DPEP1: variants seen among roughly 807,000 people sequenced by gnomAD.
DPEP1 encodes dipeptidase 1.
A neutral mutation model predicts 42.3 loss-of-function variants in DPEP1; 50 were observed. The ratio of observed to expected loss-of-function variants is 1.18; its 90% CI spans 0.94 to 1.50. The LOEUF (loss-of-function observed/expected upper bound fraction) is 1.50. Among genes scored for constraint, DPEP1 ranks in the 40% most tolerant of loss-of-function variants. The pLI is 0.00. For missense variants in DPEP1, 663 were observed against 553.0 expected (o/e 1.20, Z -1.99); for synonymous variants, 297 against 234.0 (o/e 1.27, Z -2.46).
rs73265365 is a variant in DPEP1 at position 89,637,813 on chromosome 16, A to G, written c.930-23A>G. The G allele has an allele frequency of 3.0e-3, 4,811 of 1,612,602 alleles. 120 individuals carry two copies. The African/African-American group carries it at 0.056, about 19-fold the overall frequency. On this transcript the variant is annotated intron_variant, in intron 9 of 10. Coordinates refer to ENST00000690203, the MANE Select transcript of DPEP1 (RefSeq NM_001389466.1). ...GACCTGTGTCCTAGTGTGGGGGCCCAGGTTCTCCTGGCCTCAACACAGGGT... is the reference window on the plus strand; with the variant it reads ...GACCTGTGTCCTAGTGTGGGGGCCCGGGTTCTCCTGGCCTCAACACAGGGT...
chr16:89,621,334 C>T (rs1038700551), intron 1 of DPEP1, among the ~76,000 whole-genome samples: 21 of 151,908 alleles, frequency 1.4e-4, no homozygotes, highest in Middle Eastern at 3.4e-3. Flanking sequence ...TGTGGGGAAG[C>T]CACCAGCCTC....
downstream of DPEP1, among the ~76,000 whole-genome samples, chr16:89,638,710 CGCACCCCTGCACACACACACA>C (rs2059716063): frequency 8.7e-6 from 1 of 114,360 alleles, no homozygotes; most frequent in African/African-American, 3.1e-5. Context: ...ACACACACAC[CGCACCCCTGCACACACACACA>C]CCGCACCCCT....
chr16:89,616,865 A>G, intron 1 of DPEP1: 4 of 235,694 alleles, frequency 1.7e-5, no homozygotes, highest in South Asian at 1.4e-4. Flanking sequence ...AGCAGGCAGG[A>G]AGTGGGCAGG....
chr16:89,638,633 T>TCCAGCCATGCACCGGTGCACACACC (rs2059714647), downstream of DPEP1, among the ~76,000 whole-genome samples: 1 of 149,974 alleles, frequency 6.7e-6, no homozygotes, highest in Non-Finnish European at 1.5e-5. Flanking sequence ...AGTAGTCACC[T>TCCAGCCATGCACCGGTGCACACACC]CCAGCCATGC....
Position 89,629,451 on chromosome 16 carries a change from G to A in DPEP1, c.-106-854G>A, listed in dbSNP as rs190711231. On this transcript the variant is annotated intron_variant, in intron 1 of 10. Coordinates refer to ENST00000690203, the MANE Select transcript of DPEP1 (RefSeq NM_001389466.1). ...CAGGAGGTGCAGGTTGCAGTGAGCC[G>A]AGAGGGAGCCACTGTCCTCCAGCTG... Among the ~76,000 whole-genome samples, 292 of 152,182 alleles carry A rather than the reference G, an allele frequency of 1.9e-3. 1 individual carries two copies. Among genetic ancestry groups the A allele is most frequent in the African/African-American group, 6.8e-3 (282 of 41,518 alleles).
At chr16:89,631,942 T>C (rs1169060897) in intron 2 of DPEP1, among the ~76,000 whole-genome samples, 2 of 152,008 alleles carry the variant, frequency 1.3e-5, no homozygotes, top group African/African-American at 4.8e-5. Context: ...AAAATGGCCA[T>C]GCCAGCTTCA....
At chr16:89,628,256 C>CTTTT (rs1206308709) in intron 1 of DPEP1, among the ~76,000 whole-genome samples, 1 of 79,206 alleles carries the variant, frequency 1.3e-5, no homozygotes. Context: ...TCTTTTCTTT[C>CTTTT]TTTTTTTTTT....
chr16:89,636,208 G>C (rs911398476), intron 3 of DPEP1, 56 bp from the exon 4 acceptor site: 4 of 1,571,708 alleles, frequency 2.5e-6, no homozygotes, highest in Non-Finnish European at 3.4e-6. Context: ...ACAGGCATGC[G>C]GGGGGTGGGC....
chr16:89,633,283 C>T (rs2059613151), intron 2 of DPEP1, among the ~76,000 whole-genome samples: 1 of 152,254 alleles, frequency 6.6e-6, no homozygotes, highest in Non-Finnish European at 1.5e-5. Flanking sequence ...GTCATGTGGA[C>T]TCGCTGTGGC....
At chr16:89,638,444 CGT>C, downstream of DPEP1, 1 of 1,319,466 alleles carries the variant, frequency 7.6e-7, no homozygotes, top group African/African-American at 1.5e-5. Context: ...TCCTGGGGTA[CGT>C]GTCATCGGCA....
At chr16:89,638,903 A>G (rs1314207169), downstream of DPEP1, among the ~76,000 whole-genome samples, 1 of 49,884 alleles carries the variant, frequency 2.0e-5, no homozygotes, top group Non-Finnish European at 3.4e-5. Flanking sequence ...CCACCCCTGC[A>G]CACACACACA....
In DPEP1 at chr16:89,638,190, G is replaced by A. The variant is rs140890523; in HGVS notation, c.1204G>A (p.Ala402Thr). ...CTGGGGGCTCCTGCTGGCCTCCCTC[G>A]CTCCCCTGGTCCTCTGTCTGTCTCT... ...RHWGLLLASL[A>T]PLVLCLSLL Residue 402 changes from alanine to threonine, a missense_variant, in exon 11 of 11, where the codon GCT (alanine) becomes ACT (threonine). Transcript: ENST00000690203. 1,512 of 1,592,752 alleles carry A rather than the reference G, an allele frequency of 9.5e-4. 7 individuals carry two copies. The highest frequency in any genetic ancestry group is 1.1e-3 in the Non-Finnish European group (1,280 of 1,168,010).
intron 1 of DPEP1, among the ~76,000 whole-genome samples, chr16:89,616,659 G>GCGCA (rs2059381291): frequency 6.6e-6 from 1 of 152,324 alleles, no homozygotes; most frequent in South Asian, 2.1e-4. Flanking sequence ...ATTCAAAGTA[G>GCGCA]CGCAGATTGG....
chr16:89,631,243 C>T (rs1465151108), intron 2 of DPEP1, among the ~76,000 whole-genome samples: 1 of 152,150 alleles, frequency 6.6e-6, no homozygotes, highest in Non-Finnish European at 1.5e-5. Context: ...GGCCCCCACC[C>T]CCGACCTCGC....
chr16:89,636,885 G>A lies in DPEP1; in HGVS notation c.541G>A (p.Asp181Asn), dbSNP rs374147603. ...NTPWADNWLVDTGDSEPQSQG... is the reference protein window; with the variant it reads ...NTPWADNWLVNTGDSEPQSQG... ...CTCCAGGGCTGACAACTGGCTGGTGGACACGGGAGACAGCGAGCCCCAGAG... is the reference window on the plus strand; with the variant it reads ...CTCCAGGGCTGACAACTGGCTGGTGAACACGGGAGACAGCGAGCCCCAGAG... Residue 181 changes from aspartate to asparagine, a missense_variant, in exon 6 of 11, where the codon GAC becomes AAC. Physicochemically the swap from Asp to Asn is conservative, Grantham distance 23. Transcript: ENST00000690203. The A allele has an allele frequency of 9.9e-6, 16 of 1,612,450 alleles. No homozygotes were observed. The highest frequency in any genetic ancestry group is 1.4e-5 in the Non-Finnish European group (16 of 1,179,934).
intron 1 of DPEP1, among the ~76,000 whole-genome samples, chr16:89,628,673 C>G (rs1267047203): frequency 6.6e-6 from 1 of 152,124 alleles, no homozygotes; most frequent in Non-Finnish European, 1.5e-5. Flanking sequence ...TCCTGTCACT[C>G]AGTTTCTGCC....
At chr16:89,627,483 C>T (rs1006574493) in intron 1 of DPEP1, among the ~76,000 whole-genome samples, 3 of 149,266 alleles carry the variant, frequency 2.0e-5, no homozygotes, top group Non-Finnish European at 3.0e-5. Flanking sequence ...CTCCGGAGGC[C>T]GAGGCATGAG....
intron 1 of DPEP1, among the ~76,000 whole-genome samples, chr16:89,621,690 G>C (rs2059447958): frequency 6.6e-6 from 1 of 152,236 alleles, no homozygotes; most frequent in African/African-American, 2.4e-5. Flanking sequence ...CAGGTGAGCA[G>C]GTGCGCGTGT....
intron 1 of DPEP1, among the ~76,000 whole-genome samples, chr16:89,627,651 CTTTTTTTTTTTTTT>C (rs1175287086): frequency 5.5e-4 from 29 of 52,868 alleles, no homozygotes; most frequent in African/African-American, 6.2e-4. Context: ...GATATTTCTT[CTTTTTTTTTTTTTT>C]TTTTTTTTTT....
Sources: allele counts gnomAD v4.1 joint callset (sites outside exome capture counted in the v4.1 genomes callset), GRCh38; gene constraint gnomAD v4.1.1; transcripts MANE v1.5; gene names NCBI Gene and HGNC (gene_info 2026-07-23, HGNC 2026-07-21).